The following ASB3 variants were observed in gnomAD, a reference collection of about 807,000 sequenced individuals.
The protein encoded by ASB3 is ankyrin repeat and SOCS box containing 3.
In ASB3, 41 loss-of-function variants were observed where a neutral mutation model predicts 54.5. That is an observed-to-expected ratio of 0.75 (90% CI 0.59 to 0.98). The LOEUF (loss-of-function observed/expected upper bound fraction) is 0.98, where lower values mean the gene tolerates loss of function less well. Among genes scored for constraint, ASB3 ranks in the 50% least tolerant of loss-of-function variants. The pLI is 0.00. For missense variants in ASB3, 733 were observed against 620.0 expected, an observed-to-expected ratio of 1.18 and a Z score of -1.94; for synonymous variants, 266 against 221.2, an observed-to-expected ratio of 1.20 and a Z score of -1.80.
At chr2:53,671,045 A>T (rs898309020) in intron 9 of ASB3, among the ~76,000 whole-genome samples, 1 of 152,206 alleles carries the variant, frequency 6.6e-6, no homozygotes, top group African/African-American at 2.4e-5. Context: ...CTCTTAATCT[A>T]TTTCATTACA....
chr2:53,738,281 A>C (rs1421306316), intron 3 of ASB3, among the ~76,000 whole-genome samples: 1 of 152,208 alleles, frequency 6.6e-6, no homozygotes, highest in Non-Finnish European at 1.5e-5. Context: ...ATCTAGGACC[A>C]CATGTTAGGG....
chr2:53,750,900 A>C lies in ASB3; in HGVS notation c.238T>G (p.Phe80Val). 6.2e-7 allele frequency: 1 copy of C among 1,600,662 alleles called. No individual in the cohort carries two copies. The highest frequency in any genetic ancestry group is 8.5e-7 in the Non-Finnish European group (1 of 1,173,642). ...NYIKMKTFEG[F>V]CALHLAASQG... ...CTTGCAGCGAGATGCAAAGCACAGA[A>C]ACCTTCAAAGGTCTTCATCTTAATG... is the stretch of plus-strand genomic sequence containing the variant. The change falls in exon 3 of 10, where the codon TTC (phenylalanine) becomes GTC (valine). Residue 80 changes from phenylalanine to valine, a missense_variant. Phe to Val is a conservative substitution (Grantham distance 50). Transcript: ENST00000263634.
chr2:53,694,197 G>C lies in ASB3; in HGVS notation c.1239-183C>G, dbSNP rs1572855843. 19 of 583,760 alleles carry C rather than the reference G, an allele frequency of 3.3e-5. No individual in the cohort carries two copies. In the East Asian group the frequency reaches 6.0e-4, roughly 18 times the overall value. 36.2% of individuals were successfully genotyped at this position (583,760 alleles called of 1,614,324 possible). A position where few individuals can be genotyped will look rare whatever the true frequency, so the allele number is the denominator to read the frequency against. ...AGAGGATATTAACAATCATCTACAG[G>C]TTCCTATTAACTGAATTGACTTTCT... On this transcript the variant is annotated intron_variant, in intron 8 of 9. Coordinates refer to ENST00000263634, the MANE Select transcript of ASB3 (RefSeq NM_016115.5).
intron 7 of ASB3, among the ~76,000 whole-genome samples, chr2:53,704,274 C>T (rs1262761124): frequency 2.7e-5 from 4 of 150,688 alleles, no homozygotes; most frequent in East Asian, 3.9e-4. Flanking sequence ...GCATGAGAAA[C>T]GCCACAACCC....
intron 9 of ASB3, among the ~76,000 whole-genome samples, chr2:53,686,175 C>G (rs893410263): frequency 5.3e-5 from 8 of 152,188 alleles, no homozygotes; most frequent in Admixed American, 3.3e-4. Flanking sequence ...TGAGAACCAA[C>G]AGGAAACTTG....
chr2:53,747,497 G>A (rs374491136), intron 3 of ASB3, among the ~76,000 whole-genome samples: 1 of 152,224 alleles, frequency 6.6e-6, no homozygotes, highest in South Asian at 2.1e-4. Context: ...AGTGAGCCGA[G>A]ATTGTGCCAT....
intron 9 of ASB3, among the ~76,000 whole-genome samples, chr2:53,678,963 C>T (rs1010145441): frequency 6.6e-6 from 1 of 152,124 alleles, no homozygotes; most frequent in Non-Finnish European, 1.5e-5. Flanking sequence ...TTCTATTCTT[C>T]CAGAGTTTGC....
At chr2:53,676,762 T>C (rs898434000) in intron 9 of ASB3, among the ~76,000 whole-genome samples, 6 of 152,084 alleles carry the variant, frequency 3.9e-5, no homozygotes, top group African/African-American at 1.4e-4. Flanking sequence ...TTTTGTGCTG[T>C]TTTGTTTGTT....
intron 3 of ASB3, among the ~76,000 whole-genome samples, chr2:53,737,072 T>C (rs993054969): frequency 6.6e-6 from 1 of 152,200 alleles, no homozygotes; most frequent in Non-Finnish European, 1.5e-5. Flanking sequence ...GAATTATACT[T>C]TGGGATATGA....
chr2:53,774,150 AT>A, intron 1 of ASB3: 3 of 1,604,310 alleles, frequency 1.9e-6, no homozygotes, highest in Non-Finnish European at 2.6e-6. Context: ...AGGGATGTGT[AT>A]GGGGTGTTGC....
chr2:53,706,537 C>A (rs1314946908), intron 7 of ASB3, among the ~76,000 whole-genome samples: 2 of 152,012 alleles, frequency 1.3e-5, no homozygotes, highest in Non-Finnish European at 2.9e-5. Flanking sequence ...GCTCTGCCTC[C>A]CCGGTTCACG....
intron 3 of ASB3, among the ~76,000 whole-genome samples, chr2:53,741,857 T>C (rs1157587562): frequency 1.3e-5 from 2 of 152,188 alleles, no homozygotes; most frequent in Non-Finnish European, 2.9e-5. Context: ...ACTATAATTC[T>C]AGTTTTAGAT....
At chr2:53,714,642 A>T in intron 6 of ASB3, 61 bp from the exon 7 acceptor site, 1 of 1,546,934 alleles carries the variant, frequency 6.5e-7, no homozygotes, top group Admixed American at 2.0e-5. Flanking sequence ...TGTAGGCAAC[A>T]TTTCTATAGC....
chr2:53,691,598 G>C (rs924717285), intron 9 of ASB3, among the ~76,000 whole-genome samples: 1 of 152,112 alleles, frequency 6.6e-6, no homozygotes, highest in African/African-American at 2.4e-5. Context: ...TTAAAACCCT[G>C]ATCATGCTTC....
At chr2:53,738,425 A>C (rs1671760020) in intron 3 of ASB3, among the ~76,000 whole-genome samples, 1 of 152,222 alleles carries the variant, frequency 6.6e-6, no homozygotes. Context: ...TGGCTGTTTA[A>C]ATTTTAATTT....
chr2:53,682,535 G>A (rs1188203758), intron 9 of ASB3, among the ~76,000 whole-genome samples: 1 of 152,072 alleles, frequency 6.6e-6, no homozygotes, highest in Non-Finnish European at 1.5e-5. Flanking sequence ...GGAGTGCAGT[G>A]GTGCGATCTC....
At chr2:53,684,870 T>C (rs1335291123) in intron 9 of ASB3, among the ~76,000 whole-genome samples, 1 of 152,212 alleles carries the variant, frequency 6.6e-6, no homozygotes, top group Non-Finnish European at 1.5e-5. Flanking sequence ...TCAGGAAACA[T>C]AACGCTGAGG....
At position 53,690,263 on chromosome 2, in the gene ASB3, T is replaced by A. The variant is rs538618007; in HGVS notation, c.1369+3621A>T. Among the ~76,000 whole-genome samples, 687 of 151,928 alleles carry A rather than the reference T, an allele frequency of 4.5e-3. 2 individuals carry two copies. The highest frequency in any genetic ancestry group is 7.0e-3 in the Admixed American group (107 of 15,244). On this transcript the variant is annotated intron_variant, in intron 9 of 9. Coordinates refer to ENST00000263634, the MANE Select transcript of ASB3 (RefSeq NM_016115.5). ...CAAATAAATAAATAAATTAATTAAT[T>A]AATTAATTAAATTAAAAACTGAGTT...
intron 1 of ASB3, among the ~76,000 whole-genome samples, chr2:53,778,101 A>G (rs1674446866): frequency 6.8e-6 from 1 of 147,498 alleles, no homozygotes; most frequent in South Asian, 2.2e-4. Flanking sequence ...GTGAGCCAAG[A>G]TGGCGCCACT....
Sources: allele counts gnomAD v4.1 joint callset (sites outside exome capture counted in the v4.1 genomes callset), GRCh38; gene constraint gnomAD v4.1.1; transcripts MANE v1.5; gene names NCBI Gene and HGNC (gene_info 2026-07-23, HGNC 2026-07-21).